BCAT1: variants seen among roughly 807,000 people sequenced by gnomAD.
BCAT1 encodes branched chain amino acid transaminase 1, also known as branched-chain-amino-acid aminotransferase, cytosolic.
BCAT1 carries 48 observed loss-of-function variants against 52.4 expected under a neutral mutation model. The observed-to-expected ratio is 0.92, with a 90% CI of 0.73 to 1.16. The LOEUF is 1.16. Among genes scored for constraint, BCAT1 ranks in the 50% most tolerant of loss-of-function variants. BCAT1 has a pLI of 0.00. For synonymous variants in BCAT1, 167 were observed against 161.3 expected (o/e 1.04, Z -0.27); for missense variants, 451 against 457.1 (o/e 0.99, Z 0.12).
Position 24,839,835 on chromosome 12 carries a change from T to C in BCAT1, c.817+2247A>G, listed in dbSNP as rs12310217. ...TTTCAACTCGTTTGTTCATTGTATT[T>C]TCTTAAAATCATATGATATAAATCA... On this transcript the variant is annotated intron_variant, in intron 7 of 10. Coordinates refer to ENST00000261192, the MANE Select transcript of BCAT1 (RefSeq NM_005504.7). Among the ~76,000 whole-genome samples, 1,432 of 152,372 alleles carry C rather than the reference T, an allele frequency of 9.4e-3. 25 individuals are homozygous for C. The highest frequency in any genetic ancestry group is 0.032 in the African/African-American group (1,332 of 41,580).
chr12:24,845,541 T>C (rs1941319292), intron 6 of BCAT1, among the ~76,000 whole-genome samples: 1 of 152,230 alleles, frequency 6.6e-6, no homozygotes, highest in Non-Finnish European at 1.5e-5. Context: ...CACAGGTTTG[T>C]TGTTAACAGA....
At chr12:24,867,389 A>T in intron 5 of BCAT1, among the ~76,000 whole-genome samples, 1 of 138,996 alleles carries the variant, frequency 7.2e-6, no homozygotes, top group Non-Finnish European at 1.5e-5. Context: ...TGGACTCAGC[A>T]TTCCACAATT....
intron 10 of BCAT1, among the ~76,000 whole-genome samples, chr12:24,826,087 C>T (rs1940384642): frequency 6.6e-6 from 1 of 152,090 alleles, no homozygotes; most frequent in Non-Finnish European, 1.5e-5. Context: ...TGGCATGCAC[C>T]TGTGGTTCTA....
At chr12:24,866,057 T>C (rs4432099) in intron 5 of BCAT1, among the ~76,000 whole-genome samples, 128,412 of 152,204 alleles carry the variant, frequency 0.84, 54,474 homozygotes, top group East Asian at 1. Flanking sequence ...GCTCCCTCAG[T>C]TTGCAGGGAG....
intron 10 of BCAT1, among the ~76,000 whole-genome samples, 152 bp from the exon 11 acceptor site, chr12:24,818,201 G>T (rs981080651): frequency 2.6e-5 from 4 of 152,090 alleles, no homozygotes; most frequent in Admixed American, 6.6e-5. Flanking sequence ...TTAAAAACTG[G>T]ATTAGAGAGA....
At chr12:24,947,210 C>G (rs1943945302) in intron 1 of BCAT1, among the ~76,000 whole-genome samples, 1 of 149,032 alleles carries the variant, frequency 6.7e-6, no homozygotes, top group Non-Finnish European at 1.5e-5. Context: ...CACACACACA[C>G]ACGGACTTCC....
intron 5 of BCAT1, among the ~76,000 whole-genome samples, chr12:24,866,540 C>G (rs1324677745): frequency 6.6e-6 from 1 of 152,218 alleles, no homozygotes; most frequent in Non-Finnish European, 1.5e-5. Context: ...GCAAGATACA[C>G]TGGGTGAAGC....
intron 2 of BCAT1, among the ~76,000 whole-genome samples, chr12:24,899,956 T>A (rs1018921771): frequency 5.3e-5 from 8 of 152,078 alleles, no homozygotes; most frequent in Admixed American, 2.6e-4. Context: ...AGTACAAACA[T>A]ACAGTTAGAT....
intron 1 of BCAT1, among the ~76,000 whole-genome samples, chr12:24,935,344 C>T (rs556952750): frequency 6.6e-6 from 1 of 152,232 alleles, no homozygotes; most frequent in South Asian, 2.1e-4. Flanking sequence ...GCTTAGGTGG[C>T]CAGGAAAGAG....
Position 24,810,636 on chromosome 12 carries a change from G to A in BCAT1, c.*7372C>T, listed in dbSNP as rs2353484. On this transcript the variant is annotated 3_prime_UTR_variant, in exon 11 of 11. Transcript: ENST00000261192. ...TTTGCCTAGACCTTCCAAACTCTGC[G>A]CGTAACTTCTTGAGAGATCTGAATA... 0.61 allele frequency: 92,980 copies of A among 151,916 alleles called. 28,963 individuals are homozygous for A. The highest frequency in any genetic ancestry group is 0.65 in the Non-Finnish European group (44,015 of 67,968). 9.4% of individuals were successfully genotyped at this position (151,916 alleles called of 1,614,324 possible).
At chr12:24,831,268 A>T (rs938606247) in intron 9 of BCAT1, among the ~76,000 whole-genome samples, 1 of 152,218 alleles carries the variant, frequency 6.6e-6, no homozygotes, top group Non-Finnish European at 1.5e-5. Context: ...CATAACATAC[A>T]AAATATGTGC....
Position 24,816,231 on chromosome 12 carries a change from C to T in BCAT1, c.*1777G>A, listed in dbSNP as rs1939870285. The T allele has an allele frequency of 3.0e-6, 1 of 328,692 alleles. No homozygotes were observed. Among genetic ancestry groups the T allele is most frequent in the Non-Finnish European group, 5.5e-6 (1 of 183,202 alleles). 20.4% of individuals were successfully genotyped at this position (328,692 alleles called of 1,614,324 possible). A position where few individuals can be genotyped will look rare whatever the true frequency, so the allele number is the denominator to read the frequency against. The stretch of plus-strand genomic sequence containing the variant: ...ATCAAAGCCCATTTTCTATGTGTTG[C>T]TAAATGCCTCAAGGAAATTTTTCCA... On this transcript the variant is annotated 3_prime_UTR_variant, in exon 11 of 11. Coordinates refer to ENST00000261192, the MANE Select transcript of BCAT1 (RefSeq NM_005504.7).
In BCAT1 at chr12:24,816,590, CAA is replaced by C. The variant is rs34453620; in HGVS notation, c.*1416_*1417del. ...CAGAGTATGCCTCTTTGTTTTCTAC[CAA>C]AAAAAAAAAAAAAAGATTTATTTCT... On this transcript the variant is annotated 3_prime_UTR_variant, in exon 11 of 11. Transcript: ENST00000261192. The C allele has an allele frequency of 5.7e-3, 2,105 of 369,956 alleles. No homozygotes were observed. The highest frequency in any genetic ancestry group is 6.8e-3 in the Middle Eastern group (10 of 1,462). 22.9% of individuals were successfully genotyped at this position (369,956 alleles called of 1,614,324 possible).
intron 1 of BCAT1, among the ~76,000 whole-genome samples, chr12:24,923,843 A>G (rs1353753047): frequency 2.0e-5 from 3 of 152,236 alleles, no homozygotes. Flanking sequence ...CAGACCACAC[A>G]GGGCAATTAA....
Position 24,933,286 on chromosome 12 carries a change from AT to A in BCAT1, c.6+15640del, listed in dbSNP as rs956814611. ...GCCTGGCAACATGTTATTTTATTTAATCCTCACATCATCCATGAGAGGTGGG... is the reference window on the plus strand; with the variant it reads ...GCCTGGCAACATGTTATTTTATTTAACCTCACATCATCCATGAGAGGTGGG... On this transcript the variant is annotated intron_variant, in intron 1 of 10. Transcript: ENST00000261192. Among the ~76,000 whole-genome samples, 38 of 151,892 alleles carry A rather than the reference AT, an allele frequency of 2.5e-4. 1 individual carries two copies. The highest frequency in any genetic ancestry group is 2.4e-3 in the Admixed American group (36 of 15,246).
At chr12:24,940,363 C>T (rs1025584750) in intron 1 of BCAT1, among the ~76,000 whole-genome samples, 1 of 152,176 alleles carries the variant, frequency 6.6e-6, no homozygotes, top group Non-Finnish European at 1.5e-5. Flanking sequence ...TACTCCTGTA[C>T]ATACTGTTCT....
At chr12:24,827,365 A>T (rs1940447955) in intron 10 of BCAT1, among the ~76,000 whole-genome samples, 1 of 152,230 alleles carries the variant, frequency 6.6e-6, no homozygotes, top group Admixed American at 6.5e-5. Flanking sequence ...GTTGCTGTGT[A>T]CAAAGGTAGA....
upstream of BCAT1, chr12:24,949,117 C>A: frequency 1.7e-6 from 1 of 599,098 alleles, no homozygotes; most frequent in Admixed American, 3.0e-5. Flanking sequence ...GGCCCTCTCG[C>A]GGCGGAGACT....
chr12:24,872,371 G>A (rs938572436), intron 5 of BCAT1, among the ~76,000 whole-genome samples: 13 of 152,304 alleles, frequency 8.5e-5, no homozygotes, highest in Admixed American at 7.2e-4. Flanking sequence ...TCACAAAATG[G>A]CAGCAGGGTT....
Sources: gnomAD v4.1 joint callset for allele counts (sites outside exome capture counted in the v4.1 genomes callset) on GRCh38, gnomAD v4.1.1 for gene constraint, MANE v1.5 for transcripts, NCBI Gene and HGNC (gene_info 2026-07-23, HGNC 2026-07-21) for gene names.